Variants in TAOK3 observed in about 807,000 individuals in gnomAD.
TAOK3 encodes serine/threonine-protein kinase TAO3.
A neutral mutation model predicts 120.4 loss-of-function variants in TAOK3; 40 were observed. The ratio of observed to expected loss-of-function variants is 0.33; its 90% CI spans 0.26 to 0.43. The LOEUF is 0.43. Ranked by LOEUF, TAOK3 falls within the 20% of genes least tolerant of loss-of-function variation. The pLI is 1.00. For synonymous variants in TAOK3, 355 were observed against 387.5 expected (o/e 0.92, Z 0.99); for missense variants, 821 against 1,112.1 (o/e 0.74, Z 3.72).
chr12:118,367,820 GA>G (rs1324681331), intron 1 of TAOK3, among the ~76,000 whole-genome samples: 1 of 151,094 alleles, frequency 6.6e-6, no homozygotes, highest in Non-Finnish European at 1.5e-5. Context: ...GAAAACTAGG[GA>G]AAAAATTATT....
At chr12:118,348,959 G>A (rs1034264427) in intron 1 of TAOK3, among the ~76,000 whole-genome samples, 6 of 151,394 alleles carry the variant, frequency 4.0e-5, no homozygotes, top group Non-Finnish European at 8.8e-5. Flanking sequence ...CGCGTTCTTG[G>A]CCCACTGCAA....
At chr12:118,247,508 T>C (rs907795543) in intron 3 of TAOK3, among the ~76,000 whole-genome samples, 1 of 150,844 alleles carries the variant, frequency 6.6e-6, no homozygotes, top group Non-Finnish European at 1.5e-5. Flanking sequence ...CACACATACA[T>C]ACGTACATAC....
chr12:118,372,179 G>A lies in TAOK3; in HGVS notation c.-194+469C>T, dbSNP rs992985303. On this transcript the variant is annotated intron_variant, in intron 1 of 20. Transcript: ENST00000392533. The surrounding 1 kb of genome is among the most constrained non-coding windows in gnomAD (Gnocchi z 4.6). ...TCACCTCGGGGTCTCCTCTCCCCGG[G>A]TGCTGTCCCAGCCCCTCTCGGGGTC... Among the ~76,000 whole-genome samples the A allele has an allele frequency of 1.4e-5, 2 of 139,188 alleles. No homozygotes were observed. Among genetic ancestry groups the A allele is most frequent in the African/African-American group, 5.4e-5 (2 of 36,838 alleles). The allele number at this position is 139,188 out of a possible 152,430, so 91.3% of individuals were successfully genotyped here. A position where few individuals can be genotyped will look rare whatever the true frequency, so the allele number is the denominator to read the frequency against.
At chr12:118,341,711 A>ACCTT (rs2044627503) in intron 1 of TAOK3, among the ~76,000 whole-genome samples, 3 of 152,128 alleles carry the variant, frequency 2.0e-5, no homozygotes, top group African/African-American at 7.2e-5. Context: ...AATTCCACTA[A>ACCTT]ACCATGCTAA....
intron 1 of TAOK3, among the ~76,000 whole-genome samples, chr12:118,360,330 G>A (rs1170131141): frequency 6.6e-6 from 1 of 151,658 alleles, no homozygotes; most frequent in Non-Finnish European, 1.5e-5. Context: ...CACTTTGGGA[G>A]GCTGAGGCAG....
Position 118,257,383 on chromosome 12 carries a change from G to A in TAOK3, c.-88-1728C>T, listed in dbSNP as rs149231550. Among the ~76,000 whole-genome samples, 200 of 152,142 alleles carry A rather than the reference G, an allele frequency of 1.3e-3. 1 individual carries two copies. Among genetic ancestry groups the A allele is most frequent in the African/African-American group, 4.7e-3 (196 of 41,524 alleles). ...TAATAAAAGGACATCATTTTGACAT[G>A]CTCATATATTGATCTGCCATTAGTT... On this transcript the variant is annotated intron_variant, in intron 2 of 20. Transcript: ENST00000392533.
intron 6 of TAOK3, among the ~76,000 whole-genome samples, chr12:118,238,635 ATT>A (rs72180783): frequency 6.0e-4 from 86 of 144,028 alleles, no homozygotes; most frequent in African/African-American, 1.7e-3. Context: ...CAGTGATTTA[ATT>A]TTTTTTTTTT....
chr12:118,302,131 A>G (rs1042275097), intron 1 of TAOK3, among the ~76,000 whole-genome samples: 1 of 152,180 alleles, frequency 6.6e-6, no homozygotes, highest in African/African-American at 2.4e-5. Flanking sequence ...TGGAGAAAGT[A>G]CAGCATGCAT....
intron 1 of TAOK3, among the ~76,000 whole-genome samples, chr12:118,326,113 A>G (rs911920912): frequency 1.3e-5 from 2 of 152,054 alleles, no homozygotes; most frequent in African/African-American, 4.8e-5. Flanking sequence ...AGTTTCCCCA[A>G]TGTTTTCTTT....
rs143912646 is a variant in TAOK3, at chr12:118,177,985, C to T, written c.1567-656G>A. 1.1e-4 allele frequency among the ~76,000 whole-genome samples: 17 copies of T among 152,130 alleles called. No individual in the cohort carries two copies. In the East Asian group the frequency reaches 1.9e-3, roughly 17 times the overall value. ...TTTTTGAGATGAGGTCTCGCTCTGTCGCTCAGGCTGGAGTGCAGTGGCTCG... is the reference window on the plus strand; with the variant it reads ...TTTTTGAGATGAGGTCTCGCTCTGTTGCTCAGGCTGGAGTGCAGTGGCTCG... On this transcript the variant is annotated intron_variant, in intron 15 of 20. Coordinates refer to ENST00000392533, the MANE Select transcript of TAOK3 (RefSeq NM_016281.4).
intron 13 of TAOK3, among the ~76,000 whole-genome samples, chr12:118,198,230 T>C (rs2139223900): frequency 6.6e-6 from 1 of 152,220 alleles, no homozygotes; most frequent in East Asian, 1.9e-4. Context: ...TTGTACTTGT[T>C]GCTTTCTGAC....
In TAOK3 at chr12:118,237,711, T is replaced by C. The variant is rs1157841963; in HGVS notation, c.437+362A>G. 2.6e-5 allele frequency among the ~76,000 whole-genome samples: 4 copies of C among 152,162 alleles called. No individual in the cohort carries two copies. The East Asian group carries it at 7.7e-4, about 29-fold the overall frequency. On this transcript the variant is annotated intron_variant, in intron 7 of 20. Transcript: ENST00000392533. Reference sequence around the variant, plus strand: ...TATAAGACTAGCTTGTTATTTGTAATAGGAAAGGGACAATAACTCTGCTAA... The same window carrying C: ...TATAAGACTAGCTTGTTATTTGTAACAGGAAAGGGACAATAACTCTGCTAA...
At chr12:118,182,092 G>A (rs897998531) in intron 14 of TAOK3, among the ~76,000 whole-genome samples, 10 of 152,050 alleles carry the variant, frequency 6.6e-5, no homozygotes, top group African/African-American at 2.2e-4. Flanking sequence ...GGTTGAGGCA[G>A]GAGAATTGCT....
intron 1 of TAOK3, among the ~76,000 whole-genome samples, chr12:118,306,318 T>A (rs1021523530): frequency 3.3e-5 from 5 of 152,072 alleles, no homozygotes; most frequent in African/African-American, 1.2e-4. Flanking sequence ...TCCTATTTAC[T>A]GCTAACTTTA....
At chr12:118,369,215 G>A (rs993203153) in intron 1 of TAOK3, among the ~76,000 whole-genome samples, 3 of 151,878 alleles carry the variant, frequency 2.0e-5, no homozygotes, top group African/African-American at 7.3e-5. Flanking sequence ...AAATAAATAA[G>A]CAAGTCAAGG....
chr12:118,250,214 G>A (rs1393077848), intron 3 of TAOK3, among the ~76,000 whole-genome samples: 1 of 151,940 alleles, frequency 6.6e-6, no homozygotes, highest in Non-Finnish European at 1.5e-5. Flanking sequence ...TCCCACCTCG[G>A]CCTCCCAAAG....
intron 1 of TAOK3, among the ~76,000 whole-genome samples, chr12:118,367,519 A>G (rs1382083890): frequency 6.6e-6 from 1 of 152,106 alleles, no homozygotes; most frequent in African/African-American, 2.4e-5. Context: ...GTATAGATAA[A>G]TATCACTTAT....
intron 2 of TAOK3, among the ~76,000 whole-genome samples, chr12:118,262,343 C>T (rs925803046): frequency 5.3e-5 from 8 of 151,600 alleles, no homozygotes; most frequent in Admixed American, 3.3e-4. Context: ...ATTAGCCGGG[C>T]GTGGTGGTGG....
chr12:118,307,227 C>A (rs992957798), intron 1 of TAOK3, among the ~76,000 whole-genome samples: 2 of 151,958 alleles, frequency 1.3e-5, no homozygotes, highest in Admixed American at 6.6e-5. Flanking sequence ...CCTCTTCCCC[C>A]CCCCATCTCT....
Sources: gnomAD v4.1 joint callset for allele counts (sites outside exome capture counted in the v4.1 genomes callset) on GRCh38, gnomAD v4.1.1 for gene constraint, Gnocchi (gnomAD v3.1) non-coding constraint, MANE v1.5 for transcripts, NCBI Gene and HGNC (gene_info 2026-07-23, HGNC 2026-07-21) for gene names.